THSD4: variants seen among roughly 807,000 people sequenced by gnomAD.
THSD4 encodes thrombospondin type 1 domain containing 4, also known as thrombospondin type-1 domain-containing protein 4.
In THSD4, 69 loss-of-function variants were observed where a neutral mutation model predicts 119.0. The observed-to-expected ratio is 0.58, with a 90% confidence interval of 0.48 to 0.71. The LOEUF (loss-of-function observed/expected upper bound fraction) is 0.71, where lower values mean the gene tolerates loss of function less well. THSD4 is among the 30% of genes least tolerant of loss of function. THSD4 has a pLI of 0.00. For synonymous variants in THSD4, 524 were observed against 540.4 expected, an observed-to-expected ratio of 0.97 and a Z score of 0.42; for missense variants, 1,393 against 1,391.1, an observed-to-expected ratio of 1.00 and a Z score of -0.02.
intron 6 of THSD4, among the ~76,000 whole-genome samples, chr15:71,331,046 C>A (rs1038183995): frequency 2.6e-5 from 4 of 152,198 alleles, no homozygotes; most frequent in Non-Finnish European, 4.4e-5. Context: ...GCTCATTTCT[C>A]CTGCGCTCCT....
intron 6 of THSD4, among the ~76,000 whole-genome samples, chr15:71,382,732 T>G (rs1176912846): frequency 6.6e-6 from 1 of 152,200 alleles, no homozygotes; most frequent in Non-Finnish European, 1.5e-5. Context: ...TAAATAATTT[T>G]GAAGGGAGAT....
At chr15:71,763,152 G>A (rs1452843143) in intron 15 of THSD4, among the ~76,000 whole-genome samples, 2 of 152,052 alleles carry the variant, frequency 1.3e-5, no homozygotes, top group Non-Finnish European at 2.9e-5. Context: ...CATAGACAAA[G>A]CAGAAACTGA....
At chr15:71,737,176 C>A (rs11072324) in intron 10 of THSD4, among the ~76,000 whole-genome samples, 96,224 of 152,100 alleles carry the variant, frequency 0.63, 33,263 homozygotes, top group East Asian at 0.92. Flanking sequence ...GATTTATGTA[C>A]AAGAAAATAT....
chr15:71,250,473 A>G (rs2044248184), intron 5 of THSD4, among the ~76,000 whole-genome samples: 1 of 152,062 alleles, frequency 6.6e-6, no homozygotes, highest in South Asian at 2.1e-4. Context: ...GGCATGCACT[A>G]CCATGCTCAG....
chr15:71,605,468 G>A (rs778556801), intron 7 of THSD4, among the ~76,000 whole-genome samples: 2 of 152,150 alleles, frequency 1.3e-5, no homozygotes, highest in African/African-American at 2.4e-5. Context: ...GACAATAAGT[G>A]GACAGAACAG....
At chr15:71,742,623 T>C (rs565196318) in intron 11 of THSD4, among the ~76,000 whole-genome samples, 1 of 152,344 alleles carries the variant, frequency 6.6e-6, no homozygotes, top group East Asian at 1.9e-4. Context: ...CTCACCACCT[T>C]GTTCCTGCTT....
chr15:71,537,171 T>G (rs1017689205), intron 7 of THSD4, among the ~76,000 whole-genome samples: 2 of 152,190 alleles, frequency 1.3e-5, no homozygotes, highest in African/African-American at 4.8e-5. Flanking sequence ...TTCACTTCTT[T>G]CCACCATCCC....
chr15:71,639,836 CAA>C lies in THSD4; in HGVS notation c.1153-20681_1153-20680del, dbSNP rs56797617. Among the ~76,000 whole-genome samples, 141 of 140,564 alleles carry C rather than the reference CAA, an allele frequency of 1.0e-3. 1 individual carries two copies. Among genetic ancestry groups the C allele is most frequent in the Admixed American group, 1.5e-3 (21 of 14,062 alleles). 92.2% of individuals were successfully genotyped at this position (140,564 alleles called of 152,430 possible). ...GACAGCTGTAGATGTTTTTATTTAG[CAA>C]AAAAAAAAAAAAGAAAAGAAAAGAA... On this transcript the variant is annotated intron_variant, in intron 7 of 17. Transcript: ENST00000261862.
At chr15:71,411,151 C>T (rs2046682188) in intron 6 of THSD4, among the ~76,000 whole-genome samples, 2 of 152,108 alleles carry the variant, frequency 1.3e-5, no homozygotes, top group South Asian at 4.1e-4. Context: ...TTAATTATGA[C>T]AATGGCAAAG....
At chr15:71,110,980 G>A (rs2040299672), upstream of THSD4, 3 of 671,872 alleles carry the variant, frequency 4.5e-6, no homozygotes, top group African/African-American at 1.8e-5. Context: ...GTGGACTGGA[G>A]GCTGCCAGCC....
At chr15:71,527,279 C>T (rs1464080623) in intron 7 of THSD4, among the ~76,000 whole-genome samples, 1 of 152,108 alleles carries the variant, frequency 6.6e-6, no homozygotes, top group Non-Finnish European at 1.5e-5. Flanking sequence ...ATAGATTACT[C>T]GTTCTCAAGT....
chr15:71,135,567 G>C (rs2040543452), intron 1 of THSD4, among the ~76,000 whole-genome samples: 2 of 152,160 alleles, frequency 1.3e-5, no homozygotes, highest in South Asian at 4.1e-4. Flanking sequence ...ATGATTTAAA[G>C]CCTATGCCTT....
chr15:71,610,348 A>G (rs2050199827), intron 7 of THSD4, among the ~76,000 whole-genome samples: 2 of 152,192 alleles, frequency 1.3e-5, no homozygotes, highest in South Asian at 4.1e-4. Flanking sequence ...CTTCCAGTGC[A>G]AGAGGATGTC....
chr15:71,430,028 T>G (rs2046921065), intron 7 of THSD4, among the ~76,000 whole-genome samples: 1 of 152,188 alleles, frequency 6.6e-6, no homozygotes, highest in Non-Finnish European at 1.5e-5. Context: ...AGAGGGCCAG[T>G]GGCAATGTGA....
At position 71,430,306 on chromosome 15, in the gene THSD4, C is replaced by G. The variant is rs576368099; in HGVS notation, c.1152+18483C>G. Among the ~76,000 whole-genome samples the G allele has an allele frequency of 5.9e-5, 9 of 152,248 alleles. No homozygotes were observed. In the East Asian group the frequency reaches 1.7e-3, roughly 29 times the overall value. ...TAGCCTTCCATTTCTACCAAAGATA[C>G]TCATAATGAGACTAATTTGTTTGTA... On this transcript the variant is annotated intron_variant, in intron 7 of 17. Coordinates refer to ENST00000261862, the MANE Select transcript of THSD4 (RefSeq NM_024817.3).
At chr15:71,724,297 TC>T (rs201576024) in intron 8 of THSD4, among the ~76,000 whole-genome samples, 8,039 of 41,494 alleles carry the variant, frequency 0.19, 867 homozygotes, top group South Asian at 0.29. Flanking sequence ...ATTTTTTTTT[TC>T]CCCCCAAGAT....
At chr15:71,229,028 C>T (rs1165846138) in intron 4 of THSD4, among the ~76,000 whole-genome samples, 1 of 152,198 alleles carries the variant, frequency 6.6e-6, no homozygotes, top group Non-Finnish European at 1.5e-5. Context: ...AGTAAGTCCT[C>T]ACTTCAAATA....
intron 3 of THSD4, among the ~76,000 whole-genome samples, chr15:71,177,910 G>T (rs2043463591): frequency 1.4e-5 from 2 of 145,190 alleles, no homozygotes; most frequent in Admixed American, 1.4e-4. Flanking sequence ...CTCAATAGAT[G>T]CAGAAAAAGC....
In THSD4 at chr15:71,672,623, T is replaced by A. The variant is rs192877952; in HGVS notation, c.1357+11889T>A. Among the ~76,000 whole-genome samples the A allele has an allele frequency of 4.0e-3, 605 of 152,358 alleles. 5 individuals are homozygous for A. The highest frequency in any genetic ancestry group is 0.014 in the African/African-American group (570 of 41,584). On this transcript the variant is annotated intron_variant, in intron 8 of 17. Coordinates refer to ENST00000261862, the MANE Select transcript of THSD4 (RefSeq NM_024817.3). ...CATTCAGTATGATATTGGCTGTGGG[T>A]TTGTCATGAATAGCTCTTATTATTT... is the stretch of plus-strand genomic sequence containing the variant.
Sources: allele counts gnomAD v4.1 joint callset (sites outside exome capture counted in the v4.1 genomes callset), GRCh38; gene constraint gnomAD v4.1.1; transcripts MANE v1.5; gene names NCBI Gene and HGNC (gene_info 2026-07-23, HGNC 2026-07-21).